The following LRRC1 variants were observed in gnomAD, a reference collection of about 807,000 sequenced individuals.
LRRC1 encodes leucine rich repeat containing 1.
LRRC1 carries 28 observed loss-of-function variants against 69.9 expected under a neutral mutation model. The observed-to-expected ratio is 0.40, with a 90% CI of 0.30 to 0.55. The LOEUF is 0.55. Ranked by LOEUF, LRRC1 falls within the 20% of genes least tolerant of loss-of-function variation. The probability of loss-of-function intolerance (pLI) is 0.47; values close to 1 mark genes in which losing one functional copy is unlikely to be tolerated. For missense variants in LRRC1, 498 were observed against 609.0 expected, an observed-to-expected ratio of 0.82 and a Z score of 1.92; for synonymous variants, 236 against 240.2, an observed-to-expected ratio of 0.98 and a Z score of 0.16.
intron 1 of LRRC1, among the ~76,000 whole-genome samples, chr6:53,803,542 C>T (rs771382332): frequency 6.6e-6 from 1 of 151,978 alleles, no homozygotes; most frequent in Admixed American, 6.6e-5. Context: ...TGGTAATTTA[C>T]TATTGCATGT....
chr6:53,839,368 C>T (rs1323854687), intron 1 of LRRC1, among the ~76,000 whole-genome samples: 1 of 152,110 alleles, frequency 6.6e-6, no homozygotes, highest in Non-Finnish European at 1.5e-5. Flanking sequence ...TAGCATCCTA[C>T]AAAATTAACA....
intron 4 of LRRC1, among the ~76,000 whole-genome samples, chr6:53,893,828 T>C (rs1200824743): frequency 6.6e-6 from 1 of 152,184 alleles, no homozygotes; most frequent in Non-Finnish European, 1.5e-5. Flanking sequence ...CAGAACTTTT[T>C]TACTTAGCAG....
chr6:53,913,210 A>C (rs1768466631), intron 10 of LRRC1, among the ~76,000 whole-genome samples: 6 of 152,200 alleles, frequency 3.9e-5, no homozygotes, highest in Admixed American at 3.9e-4. Context: ...GGATTTACTC[A>C]GTTCACTTTC....
chr6:53,878,842 A>G (rs1243185273), intron 2 of LRRC1, 151 bp from the exon 3 acceptor site: 2 of 499,308 alleles, frequency 4.0e-6, no homozygotes, highest in Non-Finnish European at 7.1e-6. Flanking sequence ...GAAAGCAAAT[A>G]TAAATATATT....
intron 10 of LRRC1, among the ~76,000 whole-genome samples, chr6:53,911,088 C>T: frequency 6.6e-6 from 1 of 152,214 alleles, no homozygotes. Flanking sequence ...GGTCACACTG[C>T]CTGCTTTGAC....
Position 53,899,851 on chromosome 6 carries a change from C to T in LRRC1, c.747C>T (p.Val249=), listed in dbSNP as rs201576116. Residue 249 remains valine, a synonymous_variant, in exon 8 of 14, where the codon GTC becomes GTT. Coordinates refer to ENST00000370888, the MANE Select transcript of LRRC1 (RefSeq NM_018214.5). ...ISGLTSLTDL[V]ISQNLLETIP... is the part of the protein sequence containing the mutation. Reference sequence around the variant, plus strand: ...GCCTGACTTCATTAACGGATTTAGTCATTTCCCAGAACTTATTAGAAACGA... The same window carrying T: ...GCCTGACTTCATTAACGGATTTAGTTATTTCCCAGAACTTATTAGAAACGA... The T allele has an allele frequency of 2.4e-4, 386 of 1,614,036 alleles. 3 individuals carry two copies. The South Asian group carries it at 2.4e-3, about 10-fold the overall frequency.
rs548538489 is a variant in LRRC1 at position 53,902,688 on chromosome 6, G to A, written c.847G>A (p.Glu283Lys). 4 of 1,613,556 alleles carry A rather than the reference G, an allele frequency of 2.5e-6. No individual in the cohort carries two copies. The highest frequency in any genetic ancestry group is 3.4e-6 in the Non-Finnish European group (4 of 1,179,720). ...TCAGAATAGACTCACACAGTTGCCT[G>A]AAGCAGTTGGGGAATGTGAAAGTCT... ...VDQNRLTQLP[E>K]AVGECESLTE... Residue 283 changes from glutamate (E) to lysine (K), a missense_variant, in exon 9 of 14, where the codon GAA becomes AAA. Transcript: ENST00000370888.
chr6:53,805,411 A>G (rs999147664), intron 1 of LRRC1, among the ~76,000 whole-genome samples: 1 of 152,124 alleles, frequency 6.6e-6, no homozygotes, highest in African/African-American at 2.4e-5. Context: ...GGTGGTGTGC[A>G]GGATGTTTGG....
At chr6:53,806,907 G>A (rs1764649236) in intron 1 of LRRC1, among the ~76,000 whole-genome samples, 1 of 152,122 alleles carries the variant, frequency 6.6e-6, no homozygotes, top group Non-Finnish European at 1.5e-5. Flanking sequence ...TTTGTCAGTT[G>A]CATTTTCCCA....
At chr6:53,805,906 G>T (rs1168043467) in intron 1 of LRRC1, among the ~76,000 whole-genome samples, 1 of 152,336 alleles carries the variant, frequency 6.6e-6, no homozygotes, top group East Asian at 1.9e-4. Flanking sequence ...ACAGTCTGGC[G>T]GCATGCCATG....
chr6:53,890,718 G>T (rs1767652233), intron 4 of LRRC1, among the ~76,000 whole-genome samples: 1 of 152,098 alleles, frequency 6.6e-6, no homozygotes, highest in Non-Finnish European at 1.5e-5. Flanking sequence ...TGTAACCAGA[G>T]GTTTTTGAAT....
At chr6:53,875,184 C>G (rs906777798) in intron 2 of LRRC1, among the ~76,000 whole-genome samples, 1 of 152,120 alleles carries the variant, frequency 6.6e-6, no homozygotes, top group Non-Finnish European at 1.5e-5. Context: ...AATTCTACTT[C>G]TGGGAACATA....
chr6:53,905,672 T>C (rs1268423759), intron 10 of LRRC1, among the ~76,000 whole-genome samples: 1 of 152,174 alleles, frequency 6.6e-6, no homozygotes, highest in Non-Finnish European at 1.5e-5. Context: ...CATCTCAGGG[T>C]ATCTGAACTT....
chr6:53,885,540 C>T (rs146922593), intron 4 of LRRC1, among the ~76,000 whole-genome samples: 3,365 of 152,298 alleles, frequency 0.022, 43 homozygotes, highest in Middle Eastern at 0.048. Flanking sequence ...GGAATCCTTA[C>T]ATAAATTACC....
chr6:53,854,176 AAT>A (rs1277451761), intron 2 of LRRC1, among the ~76,000 whole-genome samples: 2 of 152,234 alleles, frequency 1.3e-5, no homozygotes, highest in African/African-American at 2.4e-5. Flanking sequence ...TCAAGCAGCC[AAT>A]AAGCTTGCCT....
At chr6:53,832,667 C>G (rs1765463849) in intron 1 of LRRC1, among the ~76,000 whole-genome samples, 1 of 152,082 alleles carries the variant, frequency 6.6e-6, no homozygotes, top group Admixed American at 6.5e-5. Flanking sequence ...CTTGATGATA[C>G]ATTTGGTTAA....
intron 10 of LRRC1, among the ~76,000 whole-genome samples, chr6:53,905,979 T>C (rs1302642530): frequency 2.0e-5 from 3 of 152,222 alleles, no homozygotes; most frequent in Non-Finnish European, 2.9e-5. Flanking sequence ...AACAGTTGAA[T>C]TTACTCTTGC....
chr6:53,863,784 A>G (rs1352578307), intron 2 of LRRC1, among the ~76,000 whole-genome samples: 3 of 152,194 alleles, frequency 2.0e-5, no homozygotes, highest in Non-Finnish European at 4.4e-5. Flanking sequence ...CAGGATTGCT[A>G]ACTATTTTGA....
chr6:53,899,440 T>G (rs1767974349), intron 7 of LRRC1, among the ~76,000 whole-genome samples: 1 of 152,238 alleles, frequency 6.6e-6, no homozygotes, highest in Admixed American at 6.5e-5. Flanking sequence ...TTTTCTTTTC[T>G]AATTGTGTGA....
Sources: allele counts gnomAD v4.1 joint callset (sites outside exome capture counted in the v4.1 genomes callset), GRCh38; gene constraint gnomAD v4.1.1; transcripts MANE v1.5; gene names NCBI Gene and HGNC (gene_info 2026-07-23, HGNC 2026-07-21).